GLG1: variants seen among roughly 807,000 people sequenced by gnomAD.
The protein encoded by GLG1 is golgi glycoprotein 1.
In GLG1, 38 loss-of-function variants were observed where a neutral mutation model predicts 160.5. That is an observed-to-expected ratio of 0.24 (90% CI 0.18 to 0.31). GLG1 has a LOEUF of 0.31. Among genes scored for constraint, GLG1 ranks in the 10% least tolerant of loss-of-function variants. The pLI is 1.00. For missense variants in GLG1, 1,373 were observed against 1,505.2 expected, an observed-to-expected ratio of 0.91 and a Z score of 1.45; for synonymous variants, 644 against 543.4, an observed-to-expected ratio of 1.19 and a Z score of -2.57.
chr16:74,487,935 T>C (rs985541639), intron 8 of GLG1, among the ~76,000 whole-genome samples: 2 of 152,068 alleles, frequency 1.3e-5, no homozygotes, highest in Non-Finnish European at 2.9e-5. Context: ...TTCCAGCCCC[T>C]GGCATGCCTA....
chr16:74,591,842 G>C (rs1426926959), intron 1 of GLG1, among the ~76,000 whole-genome samples: 1 of 151,936 alleles, frequency 6.6e-6, no homozygotes, highest in Non-Finnish European at 1.5e-5. Context: ...AATTTATCTG[G>C]TTTTATACAG....
chr16:74,596,790 G>A (rs768985946), intron 1 of GLG1, among the ~76,000 whole-genome samples: 2 of 152,102 alleles, frequency 1.3e-5, no homozygotes, highest in Non-Finnish European at 2.9e-5. Flanking sequence ...CCTGAGGCAA[G>A]CTATTTAGAA....
intron 2 of GLG1, among the ~76,000 whole-genome samples, chr16:74,514,321 C>T (rs1045186431): frequency 6.6e-6 from 1 of 151,984 alleles, no homozygotes; most frequent in African/African-American, 2.4e-5. Flanking sequence ...GAAGAGCAAC[C>T]CCAAGACACA....
intron 1 of GLG1, among the ~76,000 whole-genome samples, chr16:74,588,307 AAT>A (rs1285186179): frequency 6.6e-6 from 1 of 152,218 alleles, no homozygotes; most frequent in South Asian, 2.1e-4. Context: ...ATAGCATGAA[AAT>A]ATGTTATCTA....
chr16:74,465,129 G>A (rs569868555), intron 19 of GLG1, among the ~76,000 whole-genome samples: 2 of 152,296 alleles, frequency 1.3e-5, no homozygotes, highest in South Asian at 2.1e-4. Flanking sequence ...GTGAGCCACC[G>A]TGCCCTGCCG....
At chr16:74,497,431 T>C (rs1163967086) in intron 4 of GLG1, among the ~76,000 whole-genome samples, 1 of 149,314 alleles carries the variant, frequency 6.7e-6, no homozygotes, top group African/African-American at 2.4e-5. Context: ...ATAACAGTGC[T>C]TGCTTTTTTT....
intron 7 of GLG1, among the ~76,000 whole-genome samples, chr16:74,491,593 A>G (rs908635318): frequency 6.6e-6 from 1 of 152,036 alleles, no homozygotes; most frequent in African/African-American, 2.4e-5. Context: ...ATTCACTATA[A>G]GCTCCCCCAA....
At chr16:74,561,751 A>G (rs4888254) in intron 1 of GLG1, among the ~76,000 whole-genome samples, 24,732 of 152,144 alleles carry the variant, frequency 0.16, 2,448 homozygotes, top group East Asian at 0.37. Flanking sequence ...TATAAATGCA[A>G]TGTTAAGCAT....
chr16:74,472,782 T>C (rs1390306486), intron 13 of GLG1: 3 of 373,410 alleles, frequency 8.0e-6, no homozygotes, highest in Non-Finnish European at 1.6e-5. Flanking sequence ...ATCTTCAGTT[T>C]ATAAGCTCAT....
intron 1 of GLG1, chr16:74,552,293 C>A: frequency 5.2e-6 from 3 of 581,108 alleles, no homozygotes; most frequent in Non-Finnish European, 1.0e-5. Flanking sequence ...CTATGAACTC[C>A]TTTTTAAGGA....
rs528002280 is a variant in GLG1 at position 74,559,013 on chromosome 16, C to G, written c.439-26860G>C. ...AATTCTCCCACCTCAGCCTCCTGAG[C>G]AGCTGGGACTATAGGTGTATCCCAC... On this transcript the variant is annotated intron_variant, in intron 1 of 25. Transcript: ENST00000422840. Among the ~76,000 whole-genome samples the G allele has an allele frequency of 3.1e-4, 47 of 152,240 alleles. No homozygotes were observed. In the South Asian group the frequency reaches 9.3e-3, roughly 30 times the overall value.
intron 1 of GLG1, among the ~76,000 whole-genome samples, chr16:74,578,700 T>C (rs1957868154): frequency 6.6e-6 from 1 of 152,152 alleles, no homozygotes; most frequent in Admixed American, 6.6e-5. Context: ...CCTTAGAGTA[T>C]AGGAGTATGT....
chr16:74,564,165 C>T (rs1217892950), intron 1 of GLG1, among the ~76,000 whole-genome samples: 3 of 152,166 alleles, frequency 2.0e-5, no homozygotes, highest in African/African-American at 4.8e-5. Flanking sequence ...GGGATCCTCC[C>T]GCTTCGGCCT....
At chr16:74,491,685 C>T (rs1249804636) in intron 7 of GLG1, among the ~76,000 whole-genome samples, 2 of 12,874 alleles carry the variant, frequency 1.6e-4, no homozygotes, top group African/African-American at 2.5e-4. Flanking sequence ...GTCACCCAGG[C>T]TGGAGTGCAG....
chr16:74,600,557 C>T (rs993126672), intron 1 of GLG1, among the ~76,000 whole-genome samples: 5 of 151,070 alleles, frequency 3.3e-5, no homozygotes, highest in African/African-American at 1.2e-4. Context: ...TGTGGCGAAA[C>T]CCCCGTTTTA....
At position 74,572,570 on chromosome 16, in the gene GLG1, A is replaced by T. The variant is rs1293590666; in HGVS notation, c.438+34087T>A. Among the ~76,000 whole-genome samples, 10 of 151,418 alleles carry T rather than the reference A, an allele frequency of 6.6e-5. No individual in the cohort carries two copies. In the East Asian group the frequency reaches 1.9e-3, roughly 29 times the overall value. Reference sequence around the variant, plus strand: ...AAACACCCCAAAGGACTGGGTTCTGAGGTCTTCCAGATAACTGGACACAGG... The same window carrying T: ...AAACACCCCAAAGGACTGGGTTCTGTGGTCTTCCAGATAACTGGACACAGG... On this transcript the variant is annotated intron_variant, in intron 1 of 25. Transcript: ENST00000422840.
chr16:74,568,810 C>T (rs547458178), intron 1 of GLG1, among the ~76,000 whole-genome samples: 152 of 152,314 alleles, frequency 1.0e-3, no homozygotes, highest in South Asian at 4.8e-3. Flanking sequence ...AAAATAAGTG[C>T]AGTTATCTGC....
chr16:74,526,305 G>C (rs1006893158), intron 2 of GLG1, among the ~76,000 whole-genome samples: 5 of 146,606 alleles, frequency 3.4e-5, no homozygotes, highest in Non-Finnish European at 6.0e-5. Flanking sequence ...CTATGAGGCA[G>C]GCATTCAGTA....
intron 10 of GLG1, among the ~76,000 whole-genome samples, chr16:74,481,785 G>C (rs1164386564): frequency 6.6e-6 from 1 of 151,950 alleles, no homozygotes; most frequent in Non-Finnish European, 1.5e-5. Context: ...GGGCTCAAGT[G>C]AATCTCCTTT....
Sources: allele counts gnomAD v4.1 joint callset (sites outside exome capture counted in the v4.1 genomes callset), GRCh38; gene constraint gnomAD v4.1.1; transcripts MANE v1.5; gene names NCBI Gene and HGNC (gene_info 2026-07-23, HGNC 2026-07-21).